Variants in GPATCH2 observed in about 807,000 individuals in gnomAD.
GPATCH2 encodes the protein G-patch domain containing 2.
GPATCH2 carries 51 observed loss-of-function variants against 58.0 expected under a neutral mutation model. The ratio of observed to expected loss-of-function variants is 0.88; its 90% CI spans 0.70 to 1.11. The LOEUF is 1.11. Ranked by LOEUF, GPATCH2 falls within the 50% of genes most tolerant of loss-of-function variation. The pLI is 0.00. For synonymous variants in GPATCH2, 222 were observed against 218.5 expected, an observed-to-expected ratio of 1.02 and a Z score of -0.14; for missense variants, 625 against 652.2, an observed-to-expected ratio of 0.96 and a Z score of 0.45.
intron 5 of GPATCH2, among the ~76,000 whole-genome samples, chr1:217,592,126 G>A (rs867487512): frequency 4.6e-5 from 7 of 151,864 alleles, no homozygotes; most frequent in African/African-American, 1.2e-4. Context: ...TGCCATGTAC[G>A]TAGCCCAAAT....
At chr1:217,512,841 G>A (rs755156321) in intron 6 of GPATCH2, among the ~76,000 whole-genome samples, 22 of 152,192 alleles carry the variant, frequency 1.4e-4, no homozygotes, top group Non-Finnish European at 2.6e-4. Flanking sequence ...TAAGGCATCT[G>A]CTGCAATGAA....
At chr1:217,627,928 C>G (rs1558539254) in intron 1 of GPATCH2, among the ~76,000 whole-genome samples, 1 of 151,874 alleles carries the variant, frequency 6.6e-6, no homozygotes, top group African/African-American at 2.4e-5. Flanking sequence ...TAAAACAAAA[C>G]AAAAAATTTA....
chr1:217,521,907 C>T (rs1324502396), intron 5 of GPATCH2, among the ~76,000 whole-genome samples: 1 of 152,140 alleles, frequency 6.6e-6, no homozygotes, highest in Non-Finnish European at 1.5e-5. Context: ...AGATGCTAAC[C>T]TTACAGCTGC....
chr1:217,589,644 A>G (rs1667499797), intron 5 of GPATCH2, among the ~76,000 whole-genome samples: 1 of 152,192 alleles, frequency 6.6e-6, no homozygotes, highest in South Asian at 2.1e-4. Context: ...ATTGGATGAG[A>G]TATATTTAAA....
At chr1:217,581,593 G>T (rs900633843) in intron 5 of GPATCH2, among the ~76,000 whole-genome samples, 1 of 152,182 alleles carries the variant, frequency 6.6e-6, no homozygotes, top group East Asian at 1.9e-4. Context: ...ATAGGTGAAT[G>T]TGCACACATG....
At chr1:217,588,308 C>A (rs1392283655) in intron 5 of GPATCH2, among the ~76,000 whole-genome samples, 4 of 152,124 alleles carry the variant, frequency 2.6e-5, no homozygotes, top group Admixed American at 1.3e-4. Flanking sequence ...AATTCTGATA[C>A]CTGGCTAGCA....
intron 6 of GPATCH2, among the ~76,000 whole-genome samples, chr1:217,502,917 A>G (rs545719157): frequency 6.6e-6 from 1 of 152,236 alleles, no homozygotes; most frequent in South Asian, 2.1e-4. Context: ...TGAGGGACAA[A>G]TCAGCATTTA....
chr1:217,631,061 G>T lies in GPATCH2; in HGVS notation c.-90C>A. On this transcript the variant is annotated 5_prime_UTR_variant, in exon 1 of 10. It adds an upstream start codon to the 5' untranslated region. Transcript: ENST00000366935. ...CCGGCGACTTCCAAAGAGCAGTTCA[G>T]CATTTTGAGATGAGCTTCCGGAAGC... is the stretch of plus-strand genomic sequence containing the variant. The T allele has an allele frequency of 7.8e-7, 1 of 1,278,948 alleles. No individual in the cohort carries two copies. Among genetic ancestry groups the T allele is most frequent in the Non-Finnish European group, 1.1e-6 (1 of 921,424 alleles). The allele number at this position is 1,278,948 out of a possible 1,614,324, so 79.2% of individuals were successfully genotyped here.
chr1:217,609,246 T>G, intron 5 of GPATCH2: 1 of 984,008 alleles, frequency 1.0e-6, no homozygotes, highest in East Asian at 1.1e-4. Flanking sequence ...CAAGTATTTC[T>G]GACACTCACA....
chr1:217,581,575 C>T (rs944465407), intron 5 of GPATCH2, among the ~76,000 whole-genome samples: 11 of 152,168 alleles, frequency 7.2e-5, no homozygotes, highest in Admixed American at 5.9e-4. Context: ...GAGAGTATGT[C>T]CTTGTGAATA....
chr1:217,491,660 A>G lies in GPATCH2; in HGVS notation c.1277+20T>C, dbSNP rs368173383. On this transcript the variant is annotated intron_variant, in intron 8 of 9. Transcript: ENST00000366935. ...AAAAAAAGAAAATGAATGAATAAAA[A>G]GCGATTTTGAATTGCTTACCTGCTG... is the stretch of plus-strand genomic sequence containing the variant. The G allele has an allele frequency of 2.0e-4, 245 of 1,242,182 alleles. No individual in the cohort carries two copies. The highest frequency in any genetic ancestry group is 2.3e-4 in the Non-Finnish European group (194 of 856,320). 76.9% of individuals were successfully genotyped at this position (1,242,182 alleles called of 1,614,324 possible).
intron 5 of GPATCH2, among the ~76,000 whole-genome samples, chr1:217,599,762 G>T (rs993002630): frequency 6.6e-6 from 1 of 152,096 alleles, no homozygotes; most frequent in South Asian, 2.1e-4. Context: ...TGAGTCAAAT[G>T]TAACATATAC....
At chr1:217,609,097 A>G (rs1429861867) in intron 5 of GPATCH2, 1 of 822,504 alleles carries the variant, frequency 1.2e-6, no homozygotes, top group Admixed American at 6.2e-5. Context: ...ATTGTTTTTC[A>G]TTATTGAAGC....
Position 217,430,762 on chromosome 1 carries a change from G to A in GPATCH2, c.*383C>T, listed in dbSNP as rs113876467. On this transcript the variant is annotated 3_prime_UTR_variant, in exon 10 of 10. Coordinates refer to ENST00000366935, the MANE Select transcript of GPATCH2 (RefSeq NM_018040.5). Reference sequence around the variant, plus strand: ...ATGATATAAAACACAATCTTTTCCTGTCTATTCCATTTTAGAAACTGGTGG... The same window carrying A: ...ATGATATAAAACACAATCTTTTCCTATCTATTCCATTTTAGAAACTGGTGG... The A allele has an allele frequency of 1.0e-4, 22 of 213,014 alleles. No individual in the cohort carries two copies. The highest frequency in any genetic ancestry group is 4.9e-4 in the African/African-American group (21 of 43,122). 13.2% of individuals were successfully genotyped at this position (213,014 alleles called of 1,614,324 possible). A position where few individuals can be genotyped will look rare whatever the true frequency, so the allele number is the denominator to read the frequency against.
intron 6 of GPATCH2, among the ~76,000 whole-genome samples, chr1:217,503,960 A>T (rs1232056370): frequency 6.6e-6 from 1 of 152,156 alleles, no homozygotes; most frequent in East Asian, 1.9e-4. Flanking sequence ...GCTCAGAGAG[A>T]TTAAGAGGTT....
intron 5 of GPATCH2, among the ~76,000 whole-genome samples, chr1:217,554,074 C>T (rs529427103): frequency 6.6e-6 from 1 of 152,332 alleles, no homozygotes; most frequent in East Asian, 1.9e-4. Flanking sequence ...TTGTCCAGCT[C>T]TTGAGCTAGC....
chr1:217,522,094 TG>T (rs1663493244), intron 5 of GPATCH2, among the ~76,000 whole-genome samples: 1 of 152,246 alleles, frequency 6.6e-6, no homozygotes, highest in South Asian at 2.1e-4. Context: ...TTAGCAATTA[TG>T]TTTTTAACGT....
chr1:217,478,755 A>C (rs1376263137), intron 8 of GPATCH2, among the ~76,000 whole-genome samples: 1 of 152,200 alleles, frequency 6.6e-6, no homozygotes, highest in African/African-American at 2.4e-5. Flanking sequence ...GAAAGATATC[A>C]ATATGTAAGT....
Position 217,573,719 on chromosome 1 carries a change from A to G in GPATCH2, c.1098+36602T>C, listed in dbSNP as rs376552608. ...AAAGGAGTGTCATTTTCTTATTAGGAGTCCAAGGTGACTGCTTATGTTTTG... is the reference window on the plus strand; with the variant it reads ...AAAGGAGTGTCATTTTCTTATTAGGGGTCCAAGGTGACTGCTTATGTTTTG... On this transcript the variant is annotated intron_variant, in intron 5 of 9. Transcript: ENST00000366935. 2.6e-5 allele frequency among the ~76,000 whole-genome samples: 4 copies of G among 152,332 alleles called. No individual in the cohort carries two copies. In the East Asian group the frequency reaches 5.8e-4, roughly 22 times the overall value.
Sources: allele counts gnomAD v4.1 joint callset (sites outside exome capture counted in the v4.1 genomes callset), GRCh38; gene constraint gnomAD v4.1.1; transcripts MANE v1.5; gene names NCBI Gene and HGNC (gene_info 2026-07-23, HGNC 2026-07-21).